MICAL3: variants seen among roughly 807,000 people sequenced by gnomAD.
MICAL3 encodes [F-actin]-monooxygenase MICAL3.
In MICAL3, 62 loss-of-function variants were observed where a neutral mutation model predicts 207.4. The observed-to-expected ratio is 0.30, with a 90% CI of 0.24 to 0.37. MICAL3 has a LOEUF of 0.37. MICAL3 is among the 10% of genes least tolerant of loss of function. The pLI is 1.00. For synonymous variants in MICAL3, 1,077 were observed against 1,069.3 expected, an observed-to-expected ratio of 1.01 and a Z score of -0.14; for missense variants, 2,368 against 2,635.6, an observed-to-expected ratio of 0.90 and a Z score of 2.22.
At chr22:17,961,671 C>T (rs896174737) in intron 1 of MICAL3, among the ~76,000 whole-genome samples, 3 of 152,220 alleles carry the variant, frequency 2.0e-5, no homozygotes, top group African/African-American at 7.2e-5. Context: ...ATCATATCTC[C>T]AACATGGCAG....
chr22:17,900,392 G>A lies in MICAL3; in HGVS notation c.847+450C>T, dbSNP rs1244265047. ...GGGAGGCTGAGGCAGGTGGAGCCCA[G>A]GAGTTTGGGAGCAGCCCGGGCAACA... is the stretch of plus-strand genomic sequence containing the variant. On this transcript the variant is annotated intron_variant, in intron 6 of 31. Transcript: ENST00000441493. This position sits in a 1 kb window ranked among gnomAD's most constrained non-coding sequence, Gnocchi z 4.0. Among the ~76,000 whole-genome samples, 4 of 152,218 alleles carry A rather than the reference G, an allele frequency of 2.6e-5. No homozygotes were observed. The highest frequency in any genetic ancestry group is 1.3e-4 in the Admixed American group (2 of 15,290).
At chr22:17,924,985 C>A (rs997114243) in intron 1 of MICAL3, among the ~76,000 whole-genome samples, 1 of 152,170 alleles carries the variant, frequency 6.6e-6, no homozygotes, top group Non-Finnish European at 1.5e-5. Context: ...TGGGTGCCAA[C>A]AGAACAATGA....
intron 19 of MICAL3, among the ~76,000 whole-genome samples, chr22:17,842,736 C>T (rs1359813794): frequency 6.6e-6 from 1 of 152,228 alleles, no homozygotes; most frequent in Non-Finnish European, 1.5e-5. Flanking sequence ...GGTGCCCTGC[C>T]TGCGTCCTTT....
intron 10 of MICAL3, among the ~76,000 whole-genome samples, chr22:17,894,987 T>C (rs894714294): frequency 2.6e-5 from 4 of 152,154 alleles, no homozygotes; most frequent in African/African-American, 9.7e-5. Flanking sequence ...CTCTCCTCAC[T>C]AAGGGGCAAG....
chr22:17,810,296 C>T (rs1601945561), intron 28 of MICAL3, among the ~76,000 whole-genome samples: 1 of 152,206 alleles, frequency 6.6e-6, no homozygotes, highest in African/African-American at 2.4e-5. Context: ...ATCTCCTGAC[C>T]TTGTGATCCG....
intron 1 of MICAL3, among the ~76,000 whole-genome samples, chr22:17,945,104 A>T (rs897771910): frequency 6.6e-6 from 1 of 150,638 alleles, no homozygotes; most frequent in African/African-American, 2.5e-5. Flanking sequence ...CTCAGTCTAT[A>T]CCTATTAGGG....
At chr22:17,854,485 G>A (rs1330795752) in intron 19 of MICAL3, among the ~76,000 whole-genome samples, 1 of 152,226 alleles carries the variant, frequency 6.6e-6, no homozygotes, top group African/African-American at 2.4e-5. Context: ...CTGACCAGCA[G>A]GAGTGCAGTA....
intron 12 of MICAL3, among the ~76,000 whole-genome samples, chr22:17,890,672 T>C (rs1166869169): frequency 6.6e-6 from 1 of 152,222 alleles, no homozygotes; most frequent in East Asian, 1.9e-4. Flanking sequence ...ATAGCAACTA[T>C]ATCTTGTAGG....
intron 1 of MICAL3, among the ~76,000 whole-genome samples, chr22:18,014,577 T>A (rs571012864): frequency 1.2e-3 from 185 of 152,346 alleles, no homozygotes; most frequent in African/African-American, 4.1e-3. Context: ...TACATACCCT[T>A]CTTTCCCCTA....
chr22:17,988,491 G>A (rs1418059466), intron 1 of MICAL3, among the ~76,000 whole-genome samples: 1 of 152,186 alleles, frequency 6.6e-6, no homozygotes, highest in Admixed American at 6.5e-5. Flanking sequence ...GTCTCACTCT[G>A]TCGCCCAGGC....
intron 19 of MICAL3, among the ~76,000 whole-genome samples, chr22:17,855,624 A>G (rs2146112240): frequency 6.6e-6 from 1 of 152,370 alleles, no homozygotes; most frequent in East Asian, 1.9e-4. Context: ...AAATGAAGAG[A>G]AAGTCCATTT....
chr22:17,930,242 T>C (rs1260310532), intron 1 of MICAL3, among the ~76,000 whole-genome samples: 2 of 152,186 alleles, frequency 1.3e-5, no homozygotes, highest in Admixed American at 1.3e-4. Flanking sequence ...GGAAAATTGT[T>C]CAGCAGTGGT....
intron 17 of MICAL3, among the ~76,000 whole-genome samples, chr22:17,870,857 C>T (rs903455671): frequency 6.6e-6 from 1 of 152,200 alleles, no homozygotes; most frequent in Admixed American, 6.5e-5. Flanking sequence ...TCTCGGCTCA[C>T]CTCTCTGGGC....
chr22:17,932,174 T>C (rs1328607040), intron 1 of MICAL3, among the ~76,000 whole-genome samples: 2 of 151,956 alleles, frequency 1.3e-5, no homozygotes, highest in Non-Finnish European at 2.9e-5. Flanking sequence ...GACACATAAT[T>C]GGCAGATTCA....
chr22:17,818,165 CG>C lies in MICAL3; in HGVS notation c.4495del (p.Arg1499GlyfsTer106), dbSNP rs765803753. The C allele has an allele frequency of 1.1e-5, 17 of 1,594,178 alleles. No individual in the cohort carries two copies. Among genetic ancestry groups the C allele is most frequent in the South Asian group, 2.3e-5 (2 of 88,728 alleles). ...PLPATWMRPP[R>X]EPAQPPREEV... is the part of the protein sequence containing the mutation. Reference sequence around the variant, plus strand: ...CTCTCTGGGGGGCTGAGCAGGCTCCCGGGGGGGCCGCATCCAGGTGGCGGGC... The same window carrying C: ...CTCTCTGGGGGGCTGAGCAGGCTCCCGGGGGGCCGCATCCAGGTGGCGGGC... On this transcript the variant is annotated frameshift_variant, in exon 26 of 32. Coordinates refer to ENST00000441493, the MANE Select transcript of MICAL3 (RefSeq NM_015241.3). LOFTEE classifies it high-confidence loss of function.
In MICAL3 at chr22:17,904,850, C is replaced by T. The variant is rs774527662; in HGVS notation, c.265-11G>A. On this transcript the variant is annotated splice_polypyrimidine_tract_variant and intron_variant, in intron 2 of 31. Transcript: ENST00000441493. The stretch of plus-strand genomic sequence containing the variant: ...CCCAATGATGAGACACTGAAAAACA[C>T]AGCTGCTTTCAGGGCAGGCGGCACT... 1.0e-5 allele frequency: 16 copies of T among 1,597,014 alleles called. No individual in the cohort carries two copies. The highest frequency in any genetic ancestry group is 4.5e-5 in the East Asian group (2 of 44,750).
intron 1 of MICAL3, among the ~76,000 whole-genome samples, chr22:17,915,835 T>C (rs1337691636): frequency 6.6e-6 from 1 of 151,860 alleles, no homozygotes; most frequent in Non-Finnish European, 1.5e-5. Context: ...CTGATGACTG[T>C]AAACCCAGCC....
chr22:17,909,341 T>TACAGCCTATCTCTACCAAAAAATACAAAA (rs1196282701), intron 1 of MICAL3, among the ~76,000 whole-genome samples: 1 of 151,992 alleles, frequency 6.6e-6, no homozygotes, highest in South Asian at 2.1e-4. Flanking sequence ...CTGGCCAACA[T>TACAGCCTATCTCTACCAAAAAATACAAAA]GATGAAACCC....
rs139164934 is a variant in MICAL3, at chr22:17,959,898, G to A, written c.-74-53012C>T. On this transcript the variant is annotated intron_variant, in intron 1 of 31. Coordinates refer to ENST00000441493, the MANE Select transcript of MICAL3 (RefSeq NM_015241.3). ...CAGACCTTATAAGGCAAGGCTGAAGGAACTGAACTCATTTGACATGGACGA... is the reference window on the plus strand; with the variant it reads ...CAGACCTTATAAGGCAAGGCTGAAGAAACTGAACTCATTTGACATGGACGA... Among the ~76,000 whole-genome samples the A allele has an allele frequency of 3.3e-5, 5 of 152,290 alleles. No homozygotes were observed. In the East Asian group the frequency reaches 5.8e-4, roughly 18 times the overall value.
Sources: gnomAD v4.1 joint callset for allele counts (sites outside exome capture counted in the v4.1 genomes callset) on GRCh38, gnomAD v4.1.1 for gene constraint, Gnocchi (gnomAD v3.1) non-coding constraint, MANE v1.5 for transcripts, NCBI Gene and HGNC (gene_info 2026-07-23, HGNC 2026-07-21) for gene names.